MAP2K6: variants seen among roughly 807,000 people sequenced by gnomAD.
The protein encoded by MAP2K6 is mitogen-activated protein kinase kinase 6, also known as dual specificity mitogen-activated protein kinase kinase 6.
In MAP2K6, 16 loss-of-function variants were observed where a neutral mutation model predicts 53.7. That is an observed-to-expected ratio of 0.30 (90% confidence interval 0.20 to 0.45). MAP2K6 has a LOEUF of 0.45. Among genes scored for constraint, MAP2K6 ranks in the 20% least tolerant of loss-of-function variants. The pLI is 1.00. For synonymous variants in MAP2K6, 132 were observed against 143.1 expected (o/e 0.92, Z 0.55); for missense variants, 204 against 411.9 (o/e 0.50, Z 4.37).
intron 7 of MAP2K6, among the ~76,000 whole-genome samples, chr17:69,523,071 C>A (rs1205828686): frequency 2.0e-5 from 3 of 152,038 alleles, no homozygotes; most frequent in African/African-American, 4.8e-5. Context: ...AAGAAAAAAC[C>A]AAACCAAACA....
chr17:69,507,689 T>C (rs1489706601), intron 2 of MAP2K6, among the ~76,000 whole-genome samples: 1 of 152,226 alleles, frequency 6.6e-6, no homozygotes, highest in Non-Finnish European at 1.5e-5. Context: ...CCATCCATGG[T>C]ATGGTTATAC....
Position 69,543,688 on chromosome 17 carries a change from G to A in MAP2K6, c.*1935G>A, listed in dbSNP as rs1259563818. 1 of 151,972 alleles carries A rather than the reference G, an allele frequency of 6.6e-6. No homozygotes were observed. Among genetic ancestry groups the A allele is most frequent in the Non-Finnish European group, 1.5e-5 (1 of 67,998 alleles). The allele number at this position is 151,972 out of a possible 1,614,324, so 9.4% of individuals were successfully genotyped here. A position where few individuals can be genotyped will look rare whatever the true frequency, so the allele number is the denominator to read the frequency against. ...CAGGAAGCAATAGGAAAAAAAATCC[G>A]GTTACTCCATTTTAGCTTTTGGTGA... On this transcript the variant is annotated 3_prime_UTR_variant, in exon 12 of 12. Transcript: ENST00000590474.
intron 2 of MAP2K6, among the ~76,000 whole-genome samples, chr17:69,512,357 T>TTTTTTTTTA (rs1909890552): frequency 7.3e-6 from 1 of 137,394 alleles, no homozygotes; most frequent in Non-Finnish European, 1.6e-5. Flanking sequence ...TTTTTTTTTT[T>TTTTTTTTTA]GAGACAGAGT....
intron 1 of MAP2K6, among the ~76,000 whole-genome samples, chr17:69,428,574 G>A (rs539121903): frequency 1.3e-5 from 2 of 152,252 alleles, no homozygotes; most frequent in South Asian, 4.1e-4. Context: ...TTAATTTTAG[G>A]AGGACATAGT....
At chr17:69,468,710 G>A (rs2145178661) in intron 1 of MAP2K6, among the ~76,000 whole-genome samples, 2 of 152,298 alleles carry the variant, frequency 1.3e-5, no homozygotes, top group East Asian at 3.9e-4. Flanking sequence ...TGGGTTCTTA[G>A]TTTCTGTTTC....
chr17:69,523,472 AGCAG>A (rs1366343694), intron 7 of MAP2K6, 38 bp from the exon 8 acceptor site: 44 of 1,607,992 alleles, frequency 2.7e-5, no homozygotes, highest in Non-Finnish European at 3.3e-5. Context: ...GAACCTTGAA[AGCAG>A]GCTGAAATGA....
intron 1 of MAP2K6, among the ~76,000 whole-genome samples, chr17:69,465,324 T>A (rs975446966): frequency 6.6e-6 from 1 of 152,044 alleles, no homozygotes; most frequent in African/African-American, 2.4e-5. Flanking sequence ...AGTTACAGCC[T>A]GCCCTTATTT....
intron 11 of MAP2K6, among the ~76,000 whole-genome samples, chr17:69,538,607 GA>G (rs1418483023): frequency 1.3e-5 from 2 of 152,064 alleles, no homozygotes; most frequent in East Asian, 1.9e-4. Context: ...AAGTATGAAG[GA>G]AAAAAATAAT....
intron 1 of MAP2K6, among the ~76,000 whole-genome samples, chr17:69,469,024 G>A (rs1907902150): frequency 6.6e-6 from 1 of 152,190 alleles, no homozygotes; most frequent in Non-Finnish European, 1.5e-5. Flanking sequence ...GTGTTACAGA[G>A]GCCCTTGTGG....
At chr17:69,449,514 TTTGTC>T in intron 1 of MAP2K6, among the ~76,000 whole-genome samples, 1 of 109,428 alleles carries the variant, frequency 9.1e-6, no homozygotes, top group African/African-American at 5.3e-5. Flanking sequence ...TCTTTCTTTC[TTTGTC>T]TTTCTTTCTT....
rs528604502 is a variant in MAP2K6 at position 69,496,534 on chromosome 17, A to G, written c.17-9246A>G. 5.3e-5 allele frequency among the ~76,000 whole-genome samples: 8 copies of G among 152,010 alleles called. No homozygotes were observed. In the South Asian group the frequency reaches 1.7e-3, roughly 32 times the overall value. On this transcript the variant is annotated intron_variant, in intron 1 of 11. Coordinates refer to ENST00000590474, the MANE Select transcript of MAP2K6 (RefSeq NM_002758.4). ...CAGGCGTGTGCCCCACGCCCGGCTA[A>G]TTTTTTGTATTTTTAGTAGAGATGG... is the stretch of plus-strand genomic sequence containing the variant.
At chr17:69,419,656 A>G (rs1391642433) in intron 1 of MAP2K6, among the ~76,000 whole-genome samples, 1 of 152,074 alleles carries the variant, frequency 6.6e-6, no homozygotes, top group Non-Finnish European at 1.5e-5. Context: ...GTGGCCAGGC[A>G]TGGTGGCTCA....
At chr17:69,459,533 A>G (rs1311594275) in intron 1 of MAP2K6, among the ~76,000 whole-genome samples, 1 of 151,772 alleles carries the variant, frequency 6.6e-6, no homozygotes, top group Non-Finnish European at 1.5e-5. Context: ...CCAACATGGT[A>G]AAACCCTGTC....
chr17:69,476,147 T>C (rs1908142784), intron 1 of MAP2K6, among the ~76,000 whole-genome samples: 2 of 152,330 alleles, frequency 1.3e-5, no homozygotes, highest in South Asian at 4.1e-4. Context: ...TGTATGTATG[T>C]GTATATTTAT....
intron 2 of MAP2K6, among the ~76,000 whole-genome samples, chr17:69,507,330 CTT>C (rs1909554575): frequency 1.4e-5 from 2 of 145,182 alleles, no homozygotes; most frequent in Admixed American, 6.8e-5. Flanking sequence ...GCAAGTATTC[CTT>C]TGTGTGTGTG....
In MAP2K6 at chr17:69,543,614, G is replaced by C. The variant is rs1363098224; in HGVS notation, c.*1861G>C. On this transcript the variant is annotated 3_prime_UTR_variant, in exon 12 of 12. Coordinates refer to ENST00000590474, the MANE Select transcript of MAP2K6 (RefSeq NM_002758.4). Reference sequence around the variant, plus strand: ...TGGAAGTTCTTCTCTTGGAGATCAAGAGAAAAATTACAATTGTATTCCTTA... The same window carrying C: ...TGGAAGTTCTTCTCTTGGAGATCAACAGAAAAATTACAATTGTATTCCTTA... 1 of 152,040 alleles carries C rather than the reference G, an allele frequency of 6.6e-6. No individual in the cohort carries two copies. Among genetic ancestry groups the C allele is most frequent in the Non-Finnish European group, 1.5e-5 (1 of 67,994 alleles). The allele number at this position is 152,040 out of a possible 1,614,324, so 9.4% of individuals were successfully genotyped here.
intron 1 of MAP2K6, among the ~76,000 whole-genome samples, chr17:69,477,905 C>T (rs551019850): frequency 8.5e-5 from 13 of 152,116 alleles, no homozygotes; most frequent in South Asian, 4.2e-4. Flanking sequence ...GGATGAGGGA[C>T]GGGTTCATAG....
chr17:69,435,816 C>T (rs562039637), intron 1 of MAP2K6, among the ~76,000 whole-genome samples: 7 of 151,850 alleles, frequency 4.6e-5, no homozygotes, highest in East Asian at 3.9e-4. Context: ...TATAGGCACC[C>T]GCCACCATGC....
intron 4 of MAP2K6, among the ~76,000 whole-genome samples, chr17:69,518,826 G>T (rs912996618): frequency 6.6e-6 from 1 of 152,194 alleles, no homozygotes. Flanking sequence ...GAAGCACTGG[G>T]ATAGGAATGA....
Sources: allele counts gnomAD v4.1 joint callset (sites outside exome capture counted in the v4.1 genomes callset), GRCh38; gene constraint gnomAD v4.1.1; transcripts MANE v1.5; gene names NCBI Gene and HGNC (gene_info 2026-07-23, HGNC 2026-07-21).